Variants in XKR9 observed in about 807,000 individuals in gnomAD.
XKR9 encodes XK related 9.
Under a neutral mutation model 32.0 loss-of-function variants are expected in XKR9, and 32 were observed. That is an observed-to-expected ratio of 1.00 (90% CI 0.76 to 1.34). The LOEUF is 1.34. Among genes scored for constraint, XKR9 ranks in the 40% most tolerant of loss-of-function variants. The probability of loss-of-function intolerance (pLI) is 0.00; values close to 1 mark genes in which losing one functional copy is unlikely to be tolerated. For missense variants in XKR9, 546 were observed against 429.7 expected, an observed-to-expected ratio of 1.27 and a Z score of -2.39; for synonymous variants, 168 against 143.4, an observed-to-expected ratio of 1.17 and a Z score of -1.22.
chr8:71,054,381 T>C, the XKR9 span, among the ~76,000 whole-genome samples: 7 of 152,232 alleles, frequency 4.6e-5, no homozygotes, highest in Admixed American at 1.3e-4. Flanking sequence ...CTAGAATGTA[T>C]GATCTGGGAA....
downstream of XKR9, among the ~76,000 whole-genome samples, chr8:70,739,207 C>T (rs1406705731): frequency 6.6e-6 from 1 of 152,138 alleles, no homozygotes; most frequent in Non-Finnish European, 1.5e-5. Context: ...GAATTGATCC[C>T]TTTACCATTA....
chr8:70,710,927 A>G (rs1470760761), intron 4 of XKR9, among the ~76,000 whole-genome samples: 1 of 152,202 alleles, frequency 6.6e-6, no homozygotes, highest in Non-Finnish European at 1.5e-5. Flanking sequence ...ACTTAAACAA[A>G]TCAAGCAAAG....
intron 3 of XKR9, among the ~76,000 whole-genome samples, chr8:70,683,934 A>G (rs1414646545): frequency 1.3e-5 from 2 of 152,192 alleles, no homozygotes; most frequent in African/African-American, 2.4e-5. Flanking sequence ...TTTAGTGGCT[A>G]TAGAATTCTA....
the XKR9 span, among the ~76,000 whole-genome samples, chr8:71,030,556 G>A: frequency 1.3e-5 from 2 of 152,130 alleles, no homozygotes; most frequent in African/African-American, 2.4e-5. Context: ...AACTTGAAGC[G>A]TTTGGATTCT....
chr8:70,884,282 C>T, the XKR9 span, among the ~76,000 whole-genome samples: 1,684 of 152,012 alleles, frequency 0.011, 29 homozygotes, highest in African/African-American at 0.037. Flanking sequence ...GATATTAATC[C>T]TTTATTCAAT....
intron 3 of XKR9, among the ~76,000 whole-genome samples, chr8:70,704,051 G>A (rs773800754): frequency 3.1e-4 from 47 of 151,908 alleles, no homozygotes; most frequent in Non-Finnish European, 3.2e-4. Flanking sequence ...GCATGGTGGC[G>A]GGCACCTGTA....
the XKR9 span, among the ~76,000 whole-genome samples, chr8:70,870,535 C>T: frequency 1.3e-5 from 2 of 152,144 alleles, no homozygotes; most frequent in African/African-American, 4.8e-5. Context: ...GATATGTGGT[C>T]TCATAAAGTA....
chr8:70,690,701 T>C (rs570652040), intron 3 of XKR9, among the ~76,000 whole-genome samples: 87 of 152,228 alleles, frequency 5.7e-4, no homozygotes, highest in Non-Finnish European at 1.1e-3. Context: ...ATTCCTACGT[T>C]AGTTTGCTAA....
Position 70,707,043 on chromosome 8 carries a change from T to A in XKR9, c.383T>A (p.Val128Glu), listed in dbSNP as rs1186958222. ...CTACATAAAGAAGTTATAGATAGAG[T>A]GACTGATTTGAGCATGCTCAGACTA... ...IDLHKEVIDRVTDLSMLRLFE... is the reference protein window; with the variant it reads ...IDLHKEVIDRETDLSMLRLFE... Residue 128 changes from valine to glutamate, a missense_variant, in exon 4 of 5, where the codon GTG becomes GAG. By Grantham distance (121) the Val-to-Glu change is moderately radical (BLOSUM62 -2). Coordinates refer to ENST00000408926, the MANE Select transcript of XKR9 (RefSeq NM_001011720.2). 1 of 1,613,376 alleles carries A rather than the reference T, an allele frequency of 6.2e-7. No individual in the cohort carries two copies. The highest frequency in any genetic ancestry group is 8.5e-7 in the Non-Finnish European group (1 of 1,179,476).
chr8:70,866,803 A>T, the XKR9 span, among the ~76,000 whole-genome samples: 1 of 152,142 alleles, frequency 6.6e-6, no homozygotes, highest in Non-Finnish European at 1.5e-5. Context: ...TGATATCCAA[A>T]GAAATAATAC....
the XKR9 span, among the ~76,000 whole-genome samples, chr8:71,033,553 T>G: frequency 1.3e-5 from 2 of 152,140 alleles, no homozygotes; most frequent in Non-Finnish European, 2.9e-5. Context: ...GATGTGGGGC[T>G]TAGTTGCGGG....
chr8:70,976,250 T>G, the XKR9 span, among the ~76,000 whole-genome samples: 4 of 100,692 alleles, frequency 4.0e-5, no homozygotes, highest in African/African-American at 1.6e-4. Flanking sequence ...TGGCCAGAAC[T>G]TTCAACACTA....
intron 3 of XKR9, among the ~76,000 whole-genome samples, chr8:70,682,318 T>C (rs1586808663): frequency 6.6e-6 from 1 of 152,208 alleles, no homozygotes; most frequent in East Asian, 1.9e-4. Flanking sequence ...TATGTAGTTG[T>C]AATATTGAAG....
At chr8:70,775,565 G>T (rs1437612118) in intron 2 of XKR9, among the ~76,000 whole-genome samples, 2 of 151,972 alleles carry the variant, frequency 1.3e-5, no homozygotes, top group Admixed American at 1.3e-4. Flanking sequence ...GAGATGCTCT[G>T]ATATCTTTTT....
the XKR9 span, among the ~76,000 whole-genome samples, chr8:70,885,720 C>T: frequency 0.084 from 12,729 of 152,144 alleles, 611 homozygotes; most frequent in African/African-American, 0.097. Context: ...CCTCAGCCTC[C>T]TAAGTAGCTG....
chr8:70,764,708 A>G (rs1337057180), intron 2 of XKR9, among the ~76,000 whole-genome samples: 3 of 152,094 alleles, frequency 2.0e-5, no homozygotes, highest in East Asian at 1.9e-4. Context: ...CGTCATCTAC[A>G]TTACATATTT....
chr8:71,008,500 A>T, the XKR9 span, among the ~76,000 whole-genome samples: 1 of 152,230 alleles, frequency 6.6e-6, no homozygotes, highest in Non-Finnish European at 1.5e-5. Flanking sequence ...GATCAGCAGC[A>T]TTGGCATCTT....
At chr8:70,695,775 C>G (rs1488889617) in intron 3 of XKR9, among the ~76,000 whole-genome samples, 41 of 149,384 alleles carry the variant, frequency 2.7e-4, no homozygotes, top group Non-Finnish European at 4.0e-4. Context: ...AATGGTTGAA[C>G]TAGTTTACAG....
chr8:71,003,770 G>A, the XKR9 span, among the ~76,000 whole-genome samples: 2 of 152,180 alleles, frequency 1.3e-5, no homozygotes, highest in Admixed American at 6.5e-5. Flanking sequence ...CACATGATTG[G>A]CATTTCTGAG....
Sources: allele counts gnomAD v4.1 joint callset (sites outside exome capture counted in the v4.1 genomes callset), GRCh38; gene constraint gnomAD v4.1.1; transcripts MANE v1.5; gene names NCBI Gene and HGNC (gene_info 2026-07-23, HGNC 2026-07-21).